The following CTNNA2 variants were observed in gnomAD, a reference collection of about 807,000 sequenced individuals.
The protein encoded by CTNNA2 is catenin alpha-2.
Under a neutral mutation model 101.0 loss-of-function variants are expected in CTNNA2, and 42 were observed. That is an observed-to-expected ratio of 0.42 (90% CI 0.32 to 0.54). The LOEUF is 0.54. Ranked by LOEUF, CTNNA2 falls within the 20% of genes least tolerant of loss-of-function variation. CTNNA2 has a pLI of 0.14. For missense variants in CTNNA2, 871 were observed against 1,223.1 expected (o/e 0.71, Z 4.29); for synonymous variants, 450 against 456.4 (o/e 0.99, Z 0.18).
chr2:79,631,255 A>G (rs1222800292), intron 1 of CTNNA2, among the ~76,000 whole-genome samples: 4 of 152,118 alleles, frequency 2.6e-5, no homozygotes, highest in Non-Finnish European at 2.9e-5. Context: ...ATAGTTGTCT[A>G]CTTGGGTGTG....
intron 1 of CTNNA2, among the ~76,000 whole-genome samples, chr2:79,523,517 G>A (rs370806064): frequency 6.6e-6 from 1 of 151,882 alleles, no homozygotes; most frequent in African/African-American, 2.4e-5. Context: ...TGTACATTCA[G>A]TTTGTTTGTG....
At chr2:80,040,321 C>T (rs1270019399) in intron 7 of CTNNA2, among the ~76,000 whole-genome samples, 1 of 152,132 alleles carries the variant, frequency 6.6e-6, no homozygotes, top group African/African-American at 2.4e-5. Context: ...GTTTTTTAAT[C>T]TCCCTCTGAA....
intron 4 of CTNNA2, among the ~76,000 whole-genome samples, chr2:79,376,130 A>G (rs1677970784): frequency 6.6e-6 from 1 of 152,174 alleles, no homozygotes; most frequent in African/African-American, 2.4e-5. Flanking sequence ...AAGATGGTAG[A>G]TGAGGTTAGA....
chr2:79,914,292 A>T (rs1250874295), intron 7 of CTNNA2, among the ~76,000 whole-genome samples: 1 of 152,062 alleles, frequency 6.6e-6, no homozygotes, highest in East Asian at 1.9e-4. Context: ...ATCACCAAAA[A>T]TGTCTAAGTA....
chr2:80,450,006 G>C (rs3290), intron 9 of CTNNA2, among the ~76,000 whole-genome samples: 61,206 of 152,010 alleles, frequency 0.4, 13,622 homozygotes, highest in East Asian at 0.66. Flanking sequence ...ATTATTCAAG[G>C]TGTGCATTGG....
chr2:79,824,800 C>A (rs937367671), intron 3 of CTNNA2, among the ~76,000 whole-genome samples: 1 of 152,084 alleles, frequency 6.6e-6, no homozygotes, highest in Admixed American at 6.6e-5. Context: ...CAAAAAAGTT[C>A]CCCTTTTTTT....
intron 17 of CTNNA2, among the ~76,000 whole-genome samples, chr2:80,618,220 A>G (rs993629418): frequency 4.0e-5 from 6 of 151,878 alleles, no homozygotes; most frequent in African/African-American, 1.4e-4. Context: ...CGTCCATGAC[A>G]AAAACATTTT....
chr2:79,910,992 T>G (rs1685756270), intron 7 of CTNNA2, among the ~76,000 whole-genome samples: 2 of 152,194 alleles, frequency 1.3e-5, no homozygotes, highest in Non-Finnish European at 2.9e-5. Flanking sequence ...TTCAGATTCT[T>G]TGATTTTGGA....
intron 9 of CTNNA2, among the ~76,000 whole-genome samples, chr2:80,453,573 A>T (rs1683708698): frequency 6.6e-6 from 1 of 152,310 alleles, no homozygotes; most frequent in South Asian, 2.1e-4. Context: ...TTAAAAAAAC[A>T]AACAAAATAA....
chr2:80,259,125 T>G (rs1406357874), intron 7 of CTNNA2, among the ~76,000 whole-genome samples: 2 of 152,088 alleles, frequency 1.3e-5, no homozygotes, highest in African/African-American at 4.8e-5. Context: ...TCCTCTCTAT[T>G]TGGGCAAGAA....
intron 9 of CTNNA2, among the ~76,000 whole-genome samples, chr2:80,462,772 T>A (rs964787039): frequency 2.6e-5 from 4 of 151,906 alleles, no homozygotes; most frequent in Non-Finnish European, 5.9e-5. Flanking sequence ...CAGGAATTAG[T>A]CTACGCACTC....
chr2:80,276,441 C>T (rs1229922373), intron 7 of CTNNA2, among the ~76,000 whole-genome samples: 2 of 152,058 alleles, frequency 1.3e-5, no homozygotes, highest in East Asian at 3.9e-4. Flanking sequence ...GTGTCTTTGT[C>T]CATTTGCGTT....
intron 9 of CTNNA2, among the ~76,000 whole-genome samples, chr2:80,423,596 G>A (rs1680724733): frequency 1.3e-5 from 2 of 151,992 alleles, no homozygotes; most frequent in Non-Finnish European, 2.9e-5. Context: ...TTTTGGGGCG[G>A]CTCCACAGAT....
chr2:80,315,740 G>A (rs1267304370), intron 7 of CTNNA2, among the ~76,000 whole-genome samples: 4 of 152,198 alleles, frequency 2.6e-5, no homozygotes, highest in Non-Finnish European at 5.9e-5. Context: ...TGATGGGACG[G>A]GAAGAATTTA....
intron 2 of CTNNA2, among the ~76,000 whole-genome samples, chr2:79,250,712 A>G (rs768900094): frequency 6.6e-6 from 1 of 152,178 alleles, no homozygotes; most frequent in Non-Finnish European, 1.5e-5. Context: ...TTTAGACAAT[A>G]TTCAGCTCAC....
At chr2:79,587,924 T>C (rs982848440) in intron 1 of CTNNA2, among the ~76,000 whole-genome samples, 1 of 152,224 alleles carries the variant, frequency 6.6e-6, no homozygotes, top group Admixed American at 6.5e-5. Flanking sequence ...TCTGTGGTCT[T>C]AATTTTTTTT....
intron 5 of CTNNA2, among the ~76,000 whole-genome samples, chr2:79,505,875 C>T (rs17017222): frequency 0.023 from 3,471 of 152,168 alleles, 165 homozygotes; most frequent in East Asian, 0.19. Flanking sequence ...GTGTCTTTTA[C>T]CTAAATAATC....
intron 3 of CTNNA2, among the ~76,000 whole-genome samples, chr2:79,767,527 G>A (rs1673251590): frequency 6.6e-6 from 1 of 152,080 alleles, no homozygotes; most frequent in Admixed American, 6.5e-5. Context: ...AAACTTCGTT[G>A]TAGTGATCTA....
intron 7 of CTNNA2, among the ~76,000 whole-genome samples, chr2:79,989,114 T>C (rs1691982040): frequency 6.6e-6 from 1 of 152,272 alleles, no homozygotes; most frequent in African/African-American, 2.4e-5. Flanking sequence ...GTTTTTGTGA[T>C]ACTTATGAAT....
Sources: allele counts gnomAD v4.1 joint callset (sites outside exome capture counted in the v4.1 genomes callset), GRCh38; gene constraint gnomAD v4.1.1; transcripts MANE v1.5; gene names NCBI Gene and HGNC (gene_info 2026-07-23, HGNC 2026-07-21).